TCF4: variants seen among roughly 807,000 people sequenced by gnomAD.
The protein encoded by TCF4 is SL3-3 enhancer factor 2.
A neutral mutation model predicts 82.1 loss-of-function variants in TCF4; 3 were observed. That is an observed-to-expected ratio of 0.04 (90% CI 0.02 to 0.09). The LOEUF is 0.09. TCF4 is among the 10% of genes least tolerant of loss of function. The pLI is 1.00. For synonymous variants in TCF4, 276 were observed against 309.6 expected, an observed-to-expected ratio of 0.89 and a Z score of 1.14; for missense variants, 518 against 852.7, an observed-to-expected ratio of 0.61 and a Z score of 4.89.
At chr18:55,632,502 A>T (rs1056287978) in intron 1 of TCF4, among the ~76,000 whole-genome samples, 3 of 152,216 alleles carry the variant, frequency 2.0e-5, no homozygotes, top group African/African-American at 7.2e-5. Flanking sequence ...TGTAAAGATC[A>T]CACCAAGTCT....
chr18:55,275,275 G>GGAAAAAAAAAA (rs1555795909), intron 10 of TCF4, among the ~76,000 whole-genome samples: 1 of 71,376 alleles, frequency 1.4e-5, no homozygotes. Context: ...ACTACAGATA[G>GGAAAAAAAAAA]AAAAAAAAAA....
intron 2 of TCF4, chr18:55,631,249 C>A: frequency 1.2e-6 from 1 of 822,138 alleles, no homozygotes. Flanking sequence ...AGGATTTCAT[C>A]ATGTTGGCCA....
At chr18:55,436,835 GCAA>G (rs879510235) in intron 5 of TCF4, among the ~76,000 whole-genome samples, 5 of 152,098 alleles carry the variant, frequency 3.3e-5, no homozygotes, top group Admixed American at 6.5e-5. Context: ...AGACTGAACA[GCAA>G]CAACAACAAC....
chr18:55,315,511 T>C (rs1293149387), intron 8 of TCF4, among the ~76,000 whole-genome samples: 1 of 152,164 alleles, frequency 6.6e-6, no homozygotes, highest in Admixed American at 6.6e-5. Context: ...AACCAAGTCA[T>C]GGATCTTTAG....
In TCF4 at chr18:55,224,050, T is replaced by A. The variant is rs1029828415; in HGVS notation, c.*3985A>T. 1 of 141,542 alleles carries A rather than the reference T, an allele frequency of 7.1e-6. No individual in the cohort carries two copies. Among genetic ancestry groups the A allele is most frequent in the Admixed American group, 7.0e-5 (1 of 14,238 alleles). 8.8% of individuals were successfully genotyped at this position (141,542 alleles called of 1,614,324 possible). Reference sequence around the variant, plus strand: ...CAAATATATTTTTTATTTTTAAATTTAGTTTTTTTTTTTTCCTACTAGGGT... The same window carrying A: ...CAAATATATTTTTTATTTTTAAATTAAGTTTTTTTTTTTTCCTACTAGGGT... On this transcript the variant is annotated 3_prime_UTR_variant, in exon 20 of 20. Coordinates refer to ENST00000354452, the MANE Select transcript of TCF4 (RefSeq NM_001083962.2).
At chr18:55,585,698 A>T in intron 2 of TCF4, 1 of 1,037,258 alleles carries the variant, frequency 9.6e-7, no homozygotes, top group Non-Finnish European at 1.2e-6. Flanking sequence ...GAGAAGAAAA[A>T]AGTTGTTTTG....
intron 10 of TCF4, among the ~76,000 whole-genome samples, chr18:55,272,825 C>T (rs1426882556): frequency 1.3e-5 from 2 of 152,010 alleles, no homozygotes; most frequent in Non-Finnish European, 2.9e-5. Context: ...CATCACCAAA[C>T]GTTCCCTGAA....
chr18:55,504,930 C>T (rs1036621098), intron 3 of TCF4, among the ~76,000 whole-genome samples: 2 of 152,178 alleles, frequency 1.3e-5, no homozygotes, highest in Non-Finnish European at 2.9e-5. Flanking sequence ...TTTAAAACAA[C>T]ATGCTAATCC....
intron 5 of TCF4, chr18:55,404,254 CATCTAAGAATAA>C (rs972735764): frequency 1.9e-5 from 3 of 162,084 alleles, no homozygotes; most frequent in African/African-American, 7.2e-5. Context: ...TATTCGGCCA[CATCTAAGAATAA>C]AATCAAGGGT....
At chr18:55,359,170 C>T (rs2084398566) in intron 6 of TCF4, among the ~76,000 whole-genome samples, 1 of 152,196 alleles carries the variant, frequency 6.6e-6, no homozygotes, top group Non-Finnish European at 1.5e-5. Context: ...GTTCTTTAGT[C>T]TGATCCTCCC....
intron 3 of TCF4, among the ~76,000 whole-genome samples, chr18:55,558,208 C>T (rs1421764614): frequency 4.0e-5 from 6 of 151,824 alleles, no homozygotes; most frequent in Non-Finnish European, 8.8e-5. Flanking sequence ...GAGACTGTCT[C>T]TAAAAAAAAT....
At chr18:55,413,112 C>G (rs1043982987) in intron 5 of TCF4, among the ~76,000 whole-genome samples, 1 of 152,034 alleles carries the variant, frequency 6.6e-6, no homozygotes, top group Non-Finnish European at 1.5e-5. Flanking sequence ...ATACTCAAAA[C>G]TACATCAAAA....
intron 5 of TCF4, among the ~76,000 whole-genome samples, chr18:55,447,704 A>G (rs2095550334): frequency 6.6e-6 from 1 of 152,228 alleles, no homozygotes; most frequent in Non-Finnish European, 1.5e-5. Context: ...TTATTTATCA[A>G]GCAGCCAATG....
intron 8 of TCF4, among the ~76,000 whole-genome samples, chr18:55,294,239 G>A (rs1250807714): frequency 1.5e-4 from 23 of 150,422 alleles, no homozygotes; most frequent in African/African-American, 3.7e-4. Context: ...CAGCCTGGGC[G>A]ACAGAGTGAG....
chr18:55,510,594 C>G, intron 3 of TCF4: 2 of 1,512,142 alleles, frequency 1.3e-6, no homozygotes, highest in Non-Finnish European at 1.8e-6. Flanking sequence ...CTGTCCTCTT[C>G]CATATGAATA....
intron 8 of TCF4, among the ~76,000 whole-genome samples, chr18:55,316,936 T>C (rs1214945351): frequency 6.6e-6 from 1 of 152,050 alleles, no homozygotes; most frequent in Non-Finnish European, 1.5e-5. Flanking sequence ...AAGATGTAAC[T>C]GATCCATATT....
At position 55,239,251 on chromosome 18, in the gene TCF4, C is replaced by T. The variant is rs567178887; in HGVS notation, c.1351-4568G>A. ...CAAACTGATAGAAACACTTTTAAAT[C>T]ACAGAACTTAGACGTCGAGGGCTTG... On this transcript the variant is annotated intron_variant, in intron 15 of 19. Transcript: ENST00000354452. Among the ~76,000 whole-genome samples the T allele has an allele frequency of 8.5e-5, 13 of 152,258 alleles. No homozygotes were observed. In the East Asian group the frequency reaches 2.5e-3, roughly 29 times the overall value.
intron 6 of TCF4, among the ~76,000 whole-genome samples, chr18:55,380,818 A>G (rs1177554023): frequency 6.6e-6 from 1 of 152,142 alleles, no homozygotes; most frequent in East Asian, 1.9e-4. Context: ...TCTATCCTTC[A>G]TACCACAGAT....
chr18:55,546,656 G>A (rs658977), intron 3 of TCF4, among the ~76,000 whole-genome samples: 27,168 of 152,134 alleles, frequency 0.18, 2,552 homozygotes, highest in Admixed American at 0.22. Flanking sequence ...ATCTACAAAT[G>A]GGTTCCCCAA....
Sources: gnomAD v4.1 joint callset for allele counts (sites outside exome capture counted in the v4.1 genomes callset) on GRCh38, gnomAD v4.1.1 for gene constraint, MANE v1.5 for transcripts, NCBI Gene and HGNC (gene_info 2026-07-23, HGNC 2026-07-21) for gene names.